The following USH2A variants were observed in gnomAD, a reference collection of about 807,000 sequenced individuals.
USH2A encodes Usher syndrome 2A (autosomal recessive, mild).
A neutral mutation model predicts 538.9 loss-of-function variants in USH2A; 443 were observed. The ratio of observed to expected loss-of-function variants is 0.82; its 90% CI spans 0.76 to 0.89. USH2A has a LOEUF of 0.89. Among genes scored for constraint, USH2A ranks in the 40% least tolerant of loss-of-function variants. USH2A has a pLI of 0.00. For synonymous variants in USH2A, 2,413 were observed against 2,273.5 expected (o/e 1.06, Z -1.75); for missense variants, 6,633 against 6,324.8 (o/e 1.05, Z -1.65).
At chr1:215,797,136 G>A (rs1173095757) in intron 50 of USH2A, among the ~76,000 whole-genome samples, 7 of 152,106 alleles carry the variant, frequency 4.6e-5, no homozygotes, top group Non-Finnish European at 7.4e-5. Context: ...TAGTCCCTTA[G>A]GCCAAAGCCT....
intron 34 of USH2A, among the ~76,000 whole-genome samples, chr1:215,994,605 T>C (rs1247593941): frequency 6.6e-6 from 1 of 152,124 alleles, no homozygotes; most frequent in South Asian, 2.1e-4. Context: ...GGCCTGAGCA[T>C]GAAAATTGCA....
chr1:215,780,041 C>T lies in USH2A; in HGVS notation c.10741G>A (p.Val3581Ile). ...ACTCCTTGGGTAGTAGCTGCAACTA[C>T]CTGAAGACGTAGGAATTAAGCAGCA... ...TVAGCATSSK[V>I]VAATTQGVPE... Residue 3581 changes from valine (V) to isoleucine (I), a missense_variant and splice_region_variant, in exon 55 of 72, where the codon GTA (valine) becomes ATA (isoleucine). Transcript: ENST00000307340. The T allele has an allele frequency of 9.3e-6, 15 of 1,614,082 alleles. No individual in the cohort carries two copies. The highest frequency in any genetic ancestry group is 1.2e-5 in the Non-Finnish European group (14 of 1,180,002).
rs139860474 is a variant in USH2A at position 216,375,882 on chromosome 1, T to C, written c.652-10797A>G. ...TCGGTCTAATTTAATTTCAATATTG[T>C]TGTGTCTCAGGGAACAGGGAGGCCC... On this transcript the variant is annotated intron_variant, in intron 3 of 71. Coordinates refer to ENST00000307340, the MANE Select transcript of USH2A (RefSeq NM_206933.4). 1.8e-3 allele frequency among the ~76,000 whole-genome samples: 267 copies of C among 151,246 alleles called. 1 individual carries two copies. The highest frequency in any genetic ancestry group is 0.014 in the Middle Eastern group (4 of 290).
intron 11 of USH2A, among the ~76,000 whole-genome samples, chr1:216,257,683 T>A (rs890514810): frequency 9.9e-5 from 15 of 152,026 alleles, no homozygotes; most frequent in African/African-American, 3.6e-4. Flanking sequence ...ATTACACATA[T>A]ACCAAGCCTC....
intron 71 of USH2A, 100 bp downstream of exon 71, chr1:215,628,714 C>G: frequency 8.0e-7 from 1 of 1,248,212 alleles, no homozygotes; most frequent in South Asian, 1.2e-5. Flanking sequence ...TGCTCAGAGG[C>G]GAGTGCCATG....
chr1:216,046,301 TCACA>T, intron 32 of USH2A, 126 bp downstream of exon 32: 1 of 944,092 alleles, frequency 1.1e-6, no homozygotes, highest in Admixed American at 2.4e-5. Flanking sequence ...GTTATTTTTT[TCACA>T]TATTTCCTAA....
At chr1:215,940,562 T>C (rs1252865746) in intron 37 of USH2A, among the ~76,000 whole-genome samples, 1 of 152,144 alleles carries the variant, frequency 6.6e-6, no homozygotes, top group East Asian at 1.9e-4. Context: ...AATTAATATA[T>C]GGTGAAAGAA....
chr1:216,084,466 A>C (rs1400980375), intron 25 of USH2A, among the ~76,000 whole-genome samples: 1 of 152,174 alleles, frequency 6.6e-6, no homozygotes, highest in Non-Finnish European at 1.5e-5. Flanking sequence ...GTAAATCAAG[A>C]ACTGCATGAG....
intron 35 of USH2A, among the ~76,000 whole-genome samples, chr1:215,984,874 T>A (rs548401304): frequency 6.6e-6 from 1 of 152,346 alleles, no homozygotes; most frequent in Admixed American, 6.5e-5. Flanking sequence ...ATGTGGCAGA[T>A]ATCTCCCTGT....
Position 215,648,567 on chromosome 1 carries a change from C to T in USH2A, c.14543G>A (p.Arg4848Gln), listed in dbSNP as rs77211159. 13,580 of 1,614,022 alleles carry T rather than the reference C, an allele frequency of 8.4e-3. 313 individuals carry two copies. Among genetic ancestry groups the T allele is most frequent in the South Asian group, 0.06 (5,450 of 91,036 alleles). The change falls in exon 66 of 72, where the codon CGG (arginine) becomes CAG (glutamine). Residue 4848 changes from arginine to glutamine, a missense_variant. By Grantham distance (43) the Arg-to-Gln change is conservative. Transcript: ENST00000307340. ...ATTGGGGAACATGGGGGGACTCCACCGGAAGGAGGCCGTCCTTGAGGCCAG... is the reference window on the plus strand; with the variant it reads ...ATTGGGGAACATGGGGGGACTCCACTGGAAGGAGGCCGTCCTTGAGGCCAG... ...GTLASRTASF[R>Q]WSPPMFPNGV...
intron 3 of USH2A, among the ~76,000 whole-genome samples, chr1:216,397,478 T>C (rs1425006161): frequency 6.6e-6 from 1 of 152,130 alleles, no homozygotes; most frequent in African/African-American, 2.4e-5. Context: ...AGACCTACCC[T>C]CAATGTAGGT....
chr1:215,901,849 C>G (rs1017925510), intron 38 of USH2A, among the ~76,000 whole-genome samples: 2 of 152,142 alleles, frequency 1.3e-5, no homozygotes, highest in African/African-American at 4.8e-5. Flanking sequence ...TATTCAGAAA[C>G]TTGAAAGCAA....
chr1:215,861,562 T>A (rs1664313440), intron 44 of USH2A, among the ~76,000 whole-genome samples: 1 of 152,156 alleles, frequency 6.6e-6, no homozygotes, highest in African/African-American at 2.4e-5. Context: ...CACGACTGCA[T>A]AGTTGAACCT....
intron 21 of USH2A, among the ~76,000 whole-genome samples, chr1:216,153,407 T>G (rs913011040): frequency 1.3e-5 from 2 of 152,096 alleles, no homozygotes; most frequent in African/African-American, 4.8e-5. Flanking sequence ...GGAGTTTGAG[T>G]GCAAGGCGGT....
intron 40 of USH2A, among the ~76,000 whole-genome samples, chr1:215,896,664 A>G (rs894065141): frequency 4.6e-5 from 7 of 152,146 alleles, no homozygotes; most frequent in African/African-American, 1.7e-4. Flanking sequence ...CATACGAGAG[A>G]GAAGGAACAA....
intron 61 of USH2A, among the ~76,000 whole-genome samples, chr1:215,694,466 G>A (rs1271758635): frequency 6.6e-6 from 1 of 152,088 alleles, no homozygotes; most frequent in Admixed American, 6.6e-5. Flanking sequence ...CCAGCTACTC[G>A]GGAGGCTGAG....
At chr1:215,894,343 AT>A in intron 40 of USH2A, among the ~76,000 whole-genome samples, 1 of 152,142 alleles carries the variant, frequency 6.6e-6, no homozygotes. Flanking sequence ...TAAACATAAG[AT>A]GTTTGTCATG....
rs551814038 is a variant in USH2A, at chr1:215,826,338, C to T, written c.9372-9143G>A. Among the ~76,000 whole-genome samples the T allele has an allele frequency of 1.4e-3, 218 of 152,302 alleles. 1 individual carries two copies. The highest frequency in any genetic ancestry group is 5.1e-3 in the African/African-American group (212 of 41,576). ...GAGGGAATTTGGCTATTCAAAGATT[C>T]TCATGAGGACCTCTCAAGAAAAACA... On this transcript the variant is annotated intron_variant, in intron 47 of 71. Coordinates refer to ENST00000307340, the MANE Select transcript of USH2A (RefSeq NM_206933.4).
chr1:216,093,482 G>A (rs1482986085), intron 22 of USH2A, among the ~76,000 whole-genome samples: 4 of 152,162 alleles, frequency 2.6e-5, no homozygotes, highest in African/African-American at 9.7e-5. Context: ...GCACCAGCCT[G>A]TCCAGGTGAT....
Sources: allele counts gnomAD v4.1 joint callset (sites outside exome capture counted in the v4.1 genomes callset), GRCh38; gene constraint gnomAD v4.1.1; transcripts MANE v1.5; gene names NCBI Gene and HGNC (gene_info 2026-07-23, HGNC 2026-07-21).